Variants in MCC observed in about 807,000 individuals in gnomAD.
MCC encodes the protein colorectal mutant cancer protein.
A neutral mutation model predicts 116.2 loss-of-function variants in MCC; 90 were observed. The observed-to-expected ratio is 0.77, with a 90% CI of 0.65 to 0.92. MCC has a LOEUF of 0.92. Among genes scored for constraint, MCC ranks in the 40% least tolerant of loss-of-function variants. The pLI is 0.00. For missense variants in MCC, 1,516 were observed against 1,312.2 expected (o/e 1.16, Z -2.40); for synonymous variants, 578 against 510.5 (o/e 1.13, Z -1.78).
chr5:113,081,376 C>T (rs6594679), intron 11 of MCC, among the ~76,000 whole-genome samples: 69,442 of 152,066 alleles, frequency 0.46, 17,459 homozygotes, highest in African/African-American at 0.69. Flanking sequence ...CCCTCACAAG[C>T]TGAGGATTAA....
intron 3 of MCC, among the ~76,000 whole-genome samples, chr5:113,266,238 TACACACACACAC>T (rs58228493): frequency 6.7e-6 from 1 of 149,004 alleles, no homozygotes; most frequent in Non-Finnish European, 1.5e-5. Context: ...TCACCCCTTC[TACACACACACAC>T]ACACACACAC....
chr5:113,131,490 T>C (rs1055067768), intron 5 of MCC, among the ~76,000 whole-genome samples: 5 of 152,162 alleles, frequency 3.3e-5, no homozygotes, highest in Admixed American at 6.5e-5. Context: ...TCCTAGGAGA[T>C]AGGATTTAGG....
At chr5:113,041,156 A>T (rs995930772) in intron 17 of MCC, among the ~76,000 whole-genome samples, 1 of 152,210 alleles carries the variant, frequency 6.6e-6, no homozygotes, top group African/African-American at 2.4e-5. Flanking sequence ...ACTTGGAAGG[A>T]AAGACAAAAA....
chr5:113,425,120 G>T (rs1770447356), intron 1 of MCC, among the ~76,000 whole-genome samples: 1 of 152,040 alleles, frequency 6.6e-6, no homozygotes, highest in South Asian at 2.1e-4. Flanking sequence ...AGAACATTGG[G>T]CAAAGAGAGA....
chr5:113,076,462 T>C (rs964130658), intron 11 of MCC, among the ~76,000 whole-genome samples: 2 of 152,180 alleles, frequency 1.3e-5, no homozygotes, highest in Non-Finnish European at 2.9e-5. Flanking sequence ...AGCTGATTTC[T>C]TGGGAGAAAC....
intron 2 of MCC, among the ~76,000 whole-genome samples, chr5:113,377,964 A>C (rs887289173): frequency 1.3e-5 from 2 of 152,214 alleles, no homozygotes; most frequent in African/African-American, 4.8e-5. Flanking sequence ...GCTGAAGGCT[A>C]TCGTGTGTGA....
At chr5:113,091,030 G>C (rs972467630) in intron 8 of MCC, among the ~76,000 whole-genome samples, 1 of 152,194 alleles carries the variant, frequency 6.6e-6, no homozygotes, top group African/African-American at 2.4e-5. Flanking sequence ...TGCTAGTCTA[G>C]CTGCTTGAGC....
At chr5:113,236,132 C>G in intron 3 of MCC, among the ~76,000 whole-genome samples, 1 of 152,004 alleles carries the variant, frequency 6.6e-6, no homozygotes, top group African/African-American at 2.4e-5. Context: ...GCTCTCTGAT[C>G]TGCAGAATGA....
chr5:113,322,067 G>C (rs370196492), intron 3 of MCC, among the ~76,000 whole-genome samples: 7 of 152,136 alleles, frequency 4.6e-5, no homozygotes, highest in African/African-American at 1.7e-4. Context: ...CCTGACCTCA[G>C]GTGATCCACC....
intron 3 of MCC, among the ~76,000 whole-genome samples, chr5:113,199,224 C>G (rs1349548082): frequency 6.6e-6 from 1 of 151,704 alleles, no homozygotes; most frequent in Admixed American, 6.6e-5. Flanking sequence ...CCTGCAAGGA[C>G]AGGTGTTAAG....
intron 3 of MCC, among the ~76,000 whole-genome samples, chr5:113,239,339 T>C (rs1229677577): frequency 2.0e-5 from 3 of 152,108 alleles, no homozygotes; most frequent in East Asian, 1.9e-4. Context: ...CGGAGATAAA[T>C]TGGGTAATAG....
At chr5:113,410,656 A>G (rs965065934) in intron 1 of MCC, among the ~76,000 whole-genome samples, 1 of 152,254 alleles carries the variant, frequency 6.6e-6, no homozygotes, top group African/African-American at 2.4e-5. Flanking sequence ...ACATGTGCAC[A>G]ACGTGCAGGT....
chr5:113,482,227 T>C (rs1772398080), intron 1 of MCC, among the ~76,000 whole-genome samples: 1 of 152,244 alleles, frequency 6.6e-6, no homozygotes, highest in South Asian at 2.1e-4. Context: ...AACATTCATT[T>C]ATGTTTTTGG....
At chr5:113,150,422 C>A (rs1759783613) in intron 4 of MCC, among the ~76,000 whole-genome samples, 1 of 152,008 alleles carries the variant, frequency 6.6e-6, no homozygotes, top group Admixed American at 6.5e-5. Context: ...AGAACAAAAA[C>A]AAAATCCCCC....
At chr5:113,481,102 A>T (rs953881364) in intron 1 of MCC, among the ~76,000 whole-genome samples, 8 of 152,180 alleles carry the variant, frequency 5.3e-5, no homozygotes, top group African/African-American at 1.7e-4. Context: ...AATATGAAGA[A>T]GTTTTAGAAT....
At chr5:113,424,130 T>C (rs1326113925) in intron 1 of MCC, among the ~76,000 whole-genome samples, 2 of 82,956 alleles carry the variant, frequency 2.4e-5, no homozygotes, top group African/African-American at 4.9e-5. Flanking sequence ...AAAGTCATCC[T>C]CTACACACAC....
At chr5:113,076,508 A>C (rs1186618920) in intron 11 of MCC, among the ~76,000 whole-genome samples, 1 of 152,226 alleles carries the variant, frequency 6.6e-6, no homozygotes, top group Admixed American at 6.5e-5. Flanking sequence ...CCAATATTAA[A>C]TACTCTTAAA....
intron 1 of MCC, among the ~76,000 whole-genome samples, chr5:113,487,196 C>CTTT (rs1335934591): frequency 1.4e-5 from 2 of 139,636 alleles, no homozygotes; most frequent in African/African-American, 2.6e-5. Flanking sequence ...ACTTTGCTTT[C>CTTT]TTTTTTTTTT....
intron 4 of MCC, 90 bp downstream of exon 4, chr5:113,151,219 G>T: frequency 1.3e-6 from 1 of 752,722 alleles, no homozygotes; most frequent in South Asian, 1.8e-5. Context: ...AATTTGTTTT[G>T]TGGGAATTTC....
Sources: gnomAD v4.1 joint callset for allele counts (sites outside exome capture counted in the v4.1 genomes callset) on GRCh38, gnomAD v4.1.1 for gene constraint, MANE v1.5 for transcripts, NCBI Gene and HGNC (gene_info 2026-07-23, HGNC 2026-07-21) for gene names.